GPC5: variants seen among roughly 807,000 people sequenced by gnomAD.
The protein encoded by GPC5 is glypican 5.
Under a neutral mutation model 53.9 loss-of-function variants are expected in GPC5, and 47 were observed. That is an observed-to-expected ratio of 0.87 (90% CI 0.69 to 1.11). The LOEUF is 1.11. Ranked by LOEUF, GPC5 falls within the 50% of genes most tolerant of loss-of-function variation. The pLI is 0.00. For missense variants in GPC5, 748 were observed against 713.1 expected, an observed-to-expected ratio of 1.05 and a Z score of -0.56; for synonymous variants, 286 against 263.3, an observed-to-expected ratio of 1.09 and a Z score of -0.84.
In GPC5 at chr13:91,650,449, C is replaced by A. The variant is rs569548969; in HGVS notation, c.326-42738C>A. ...CTTCTTCATTCTGCCTTTATTTTAT[C>A]TTTACTGTATACCAAGATCATCTTT... On this transcript the variant is annotated intron_variant, in intron 2 of 7. Coordinates refer to ENST00000377067, the MANE Select transcript of GPC5 (RefSeq NM_004466.6). Among the ~76,000 whole-genome samples, 3 of 151,256 alleles carry A rather than the reference C, an allele frequency of 2.0e-5. No individual in the cohort carries two copies. The South Asian group carries it at 6.2e-4, about 31-fold the overall frequency.
intron 5 of GPC5, among the ~76,000 whole-genome samples, chr13:91,794,159 A>G (rs1460936362): frequency 6.6e-6 from 1 of 152,156 alleles, no homozygotes; most frequent in African/African-American, 2.4e-5. Context: ...ATTTTCCTCA[A>G]GAATAATTTC....
At chr13:91,571,479 A>C (rs1290214705) in intron 2 of GPC5, among the ~76,000 whole-genome samples, 1 of 152,002 alleles carries the variant, frequency 6.6e-6, no homozygotes, top group African/African-American at 2.4e-5. Flanking sequence ...AATTATGAAA[A>C]TTTTATGTGT....
intron 7 of GPC5, among the ~76,000 whole-genome samples, chr13:92,573,612 A>G (rs1883101916): frequency 1.3e-5 from 2 of 152,108 alleles, no homozygotes; most frequent in South Asian, 4.1e-4. Context: ...TTCTCGGTAG[A>G]GGGCGATATA....
chr13:91,934,114 G>A (rs996351624), intron 6 of GPC5, among the ~76,000 whole-genome samples: 1 of 151,840 alleles, frequency 6.6e-6, no homozygotes, highest in Non-Finnish European at 1.5e-5. Context: ...AGTGACAAAA[G>A]CCACTTTTAT....
intron 5 of GPC5, among the ~76,000 whole-genome samples, chr13:91,900,942 C>T (rs2039491968): frequency 1.3e-5 from 2 of 152,056 alleles, no homozygotes. Context: ...AGATTCACGC[C>T]TTGCCAAATC....
chr13:92,711,405 C>A (rs1299151148), intron 7 of GPC5, among the ~76,000 whole-genome samples: 1 of 152,044 alleles, frequency 6.6e-6, no homozygotes, highest in Non-Finnish European at 1.5e-5. Flanking sequence ...AAATATTTAT[C>A]ATTTAAATAT....
chr13:91,524,653 T>C (rs372096181), intron 2 of GPC5, among the ~76,000 whole-genome samples: 2 of 152,156 alleles, frequency 1.3e-5, no homozygotes, highest in East Asian at 3.9e-4. Flanking sequence ...AAATTAGTTC[T>C]GTGGGTTTCT....
At chr13:91,957,630 A>G (rs1347682219) in intron 6 of GPC5, among the ~76,000 whole-genome samples, 2 of 152,162 alleles carry the variant, frequency 1.3e-5, no homozygotes, top group Admixed American at 6.5e-5. Flanking sequence ...ACAGGTCAGG[A>G]GAGAATGGGA....
At chr13:91,415,972 T>C (rs1878191665) in intron 1 of GPC5, among the ~76,000 whole-genome samples, 1 of 152,228 alleles carries the variant, frequency 6.6e-6, no homozygotes, top group African/African-American at 2.4e-5. Flanking sequence ...GAAAATTGCA[T>C]TTTATCATTT....
At chr13:92,550,621 C>T (rs1025482984) in intron 7 of GPC5, among the ~76,000 whole-genome samples, 8 of 151,622 alleles carry the variant, frequency 5.3e-5, no homozygotes, top group Admixed American at 4.6e-4. Context: ...TATTAAAAAA[C>T]TTGTTTGGAA....
rs9556213 is a variant in GPC5, at chr13:92,788,224, A to C, written c.1562-78058A>C. Among the ~76,000 whole-genome samples the C allele has an allele frequency of 0.025, 3,846 of 152,232 alleles. 382 individuals are homozygous for C. In the East Asian group the frequency reaches 0.32, roughly 13 times the overall value. ...ATTTACAAGAAATAGGAACATGTCC[A>C]TGTATCTTTCTCAGATGATAGTGTA... is the stretch of plus-strand genomic sequence containing the variant. On this transcript the variant is annotated intron_variant, in intron 7 of 7. Coordinates refer to ENST00000377067, the MANE Select transcript of GPC5 (RefSeq NM_004466.6).
chr13:92,215,678 A>G (rs1345181186), intron 7 of GPC5, among the ~76,000 whole-genome samples: 2 of 152,182 alleles, frequency 1.3e-5, no homozygotes. Context: ...GCCTTCACCT[A>G]GGGATGACCA....
intron 7 of GPC5, among the ~76,000 whole-genome samples, chr13:92,749,061 T>A (rs2139322093): frequency 1.3e-5 from 2 of 152,308 alleles, no homozygotes; most frequent in Middle Eastern, 6.8e-3. Context: ...TCAAGATATA[T>A]TTTGGAGTTC....
intron 7 of GPC5, among the ~76,000 whole-genome samples, chr13:92,147,296 C>A (rs1262345293): frequency 6.6e-6 from 1 of 151,770 alleles, no homozygotes; most frequent in Non-Finnish European, 1.5e-5. Flanking sequence ...TTCATCCTAT[C>A]TGGAGTATTT....
intron 7 of GPC5, among the ~76,000 whole-genome samples, chr13:92,579,268 TCCCTCC>T (rs1248371356): frequency 0.39 from 5,427 of 13,838 alleles, 865 homozygotes; most frequent in Middle Eastern, 0.5. Flanking sequence ...CCTCCCTCCC[TCCCTCC>T]CTCTCTCTCT....
Position 91,398,917 on chromosome 13 carries a change from C to G in GPC5, c.-130C>G, listed in dbSNP as rs574195893. The G allele has an allele frequency of 4.9e-5, 60 of 1,225,030 alleles. No homozygotes were observed. In the African/African-American group the frequency reaches 5.2e-4, roughly 11 times the overall value. The allele number at this position is 1,225,030 out of a possible 1,614,324, so 75.9% of individuals were successfully genotyped here. A position where few individuals can be genotyped will look rare whatever the true frequency, so the allele number is the denominator to read the frequency against. ...GGTGAAGCCGGTGCCCGCGGGCGGTCCGTACACCCCGCAGCCGGCTCGCAC... is the reference window on the plus strand; with the variant it reads ...GGTGAAGCCGGTGCCCGCGGGCGGTGCGTACACCCCGCAGCCGGCTCGCAC... On this transcript the variant is annotated 5_prime_UTR_variant, in exon 1 of 8. Transcript: ENST00000377067.
At chr13:91,665,237 T>A (rs958669613) in intron 2 of GPC5, among the ~76,000 whole-genome samples, 2 of 152,230 alleles carry the variant, frequency 1.3e-5, no homozygotes, top group African/African-American at 2.4e-5. Context: ...TCATTTTAGC[T>A]TATCTATGGC....
chr13:92,324,831 C>T (rs980048582), intron 7 of GPC5, among the ~76,000 whole-genome samples: 4 of 151,734 alleles, frequency 2.6e-5, no homozygotes, highest in African/African-American at 7.3e-5. Flanking sequence ...ATTTCTACCT[C>T]ACAAATAAAA....
intron 5 of GPC5, among the ~76,000 whole-genome samples, chr13:91,872,682 CAT>C (rs2039159909): frequency 6.6e-6 from 1 of 151,952 alleles, no homozygotes; most frequent in African/African-American, 2.4e-5. Context: ...AAGCATATAA[CAT>C]ATATAGTATA....
Sources: gnomAD v4.1 joint callset for allele counts (sites outside exome capture counted in the v4.1 genomes callset) on GRCh38, gnomAD v4.1.1 for gene constraint, MANE v1.5 for transcripts, NCBI Gene and HGNC (gene_info 2026-07-23, HGNC 2026-07-21) for gene names.